The following LOC400499 variants were observed in gnomAD, a reference collection of about 807,000 sequenced individuals.
At chr16:11,410,559 G>A in the LOC400499 span, among the ~76,000 whole-genome samples, 1 of 152,236 alleles carries the variant, frequency 6.6e-6, no homozygotes, top group South Asian at 2.1e-4. Flanking sequence ...ATGCGGCAGG[G>A]GACCCAGCAC....
chr16:11,399,172 C>T, the LOC400499 span: 1 of 979,930 alleles, frequency 1.0e-6, no homozygotes, highest in Non-Finnish European at 1.2e-6. Flanking sequence ...ACCGGAGCTC[C>T]CGATCTCCCT....
At chr16:11,417,122 C>T in the LOC400499 span, among the ~76,000 whole-genome samples, 1 of 151,696 alleles carries the variant, frequency 6.6e-6, no homozygotes, top group East Asian at 1.9e-4. Context: ...CACCCCCCCT[C>T]ACCCTCTGTC....
the LOC400499 span, chr16:11,402,173 A>G: frequency 2.5e-6 from 1 of 399,100 alleles, no homozygotes; most frequent in Non-Finnish European, 4.4e-6. Flanking sequence ...GTGGGTGAGG[A>G]CACACACAAA....
At chr16:11,500,930 C>T in the LOC400499 span, 2 of 399,130 alleles carry the variant, frequency 5.0e-6, no homozygotes, top group East Asian at 3.6e-5. Context: ...CCACACAGTG[C>T]TCCGTCCCAC....
chr16:11,392,226 A>G, the LOC400499 span: 2 of 398,676 alleles, frequency 5.0e-6, no homozygotes, highest in Non-Finnish European at 8.8e-6. Context: ...GCACAGCTGG[A>G]CCCCAAGGGC....
the LOC400499 span, among the ~76,000 whole-genome samples, chr16:11,495,885 G>T: frequency 6.6e-6 from 1 of 152,124 alleles, no homozygotes. Flanking sequence ...GGAGAGGCTG[G>T]CTCCCAGGCC....
chr16:11,451,999 T>C, the LOC400499 span, among the ~76,000 whole-genome samples: 4,212 of 152,228 alleles, frequency 0.028, 222 homozygotes, highest in African/African-American at 0.097. Context: ...AGTTGCTTGA[T>C]TGACAGGGAA....
the LOC400499 span, chr16:11,450,952 G>T: frequency 2.5e-6 from 2 of 800,650 alleles, no homozygotes; most frequent in Non-Finnish European, 3.9e-6. Context: ...CTAGGCATGA[G>T]GGAACTTTCT....
At chr16:11,419,188 AC>A in the LOC400499 span, among the ~76,000 whole-genome samples, 28 of 139,996 alleles carry the variant, frequency 2.0e-4, no homozygotes, top group East Asian at 2.1e-4. Flanking sequence ...AACAACAACA[AC>A]AAAAAAAATA....
At chr16:11,520,444 G>T in the LOC400499 span, among the ~76,000 whole-genome samples, 1 of 152,104 alleles carries the variant, frequency 6.6e-6, no homozygotes, top group Admixed American at 6.5e-5. Context: ...ATCACTTGAG[G>T]TCAGGAGTTC....
At chr16:11,397,588 T>C in the LOC400499 span, among the ~76,000 whole-genome samples, 1 of 152,194 alleles carries the variant, frequency 6.6e-6, no homozygotes, top group Non-Finnish European at 1.5e-5. Flanking sequence ...ATACTTTTAC[T>C]GGAATACAGC....
the LOC400499 span, among the ~76,000 whole-genome samples, chr16:11,483,767 C>T: frequency 6.6e-6 from 1 of 151,142 alleles, no homozygotes; most frequent in Admixed American, 6.6e-5. Flanking sequence ...CCCAGCTACT[C>T]CGGAAGCTGA....
chr16:11,431,464 G>A, the LOC400499 span, among the ~76,000 whole-genome samples: 2 of 152,090 alleles, frequency 1.3e-5, no homozygotes, highest in Admixed American at 6.6e-5. Flanking sequence ...GGAGTACAGT[G>A]GCACAATCTC....
At chr16:11,475,901 G>C in the LOC400499 span, among the ~76,000 whole-genome samples, 68 of 152,308 alleles carry the variant, frequency 4.5e-4, no homozygotes, top group Admixed American at 1.8e-3. Context: ...GAGGACCACA[G>C]AGAGTGACAA....
At chr16:11,468,077 C>T in the LOC400499 span, among the ~76,000 whole-genome samples, 1 of 151,962 alleles carries the variant, frequency 6.6e-6, no homozygotes, top group Non-Finnish European at 1.5e-5. Flanking sequence ...CCCTGACAGC[C>T]TTCACAGGTG....
chr16:11,402,853 G>T, the LOC400499 span, among the ~76,000 whole-genome samples: 28 of 152,124 alleles, frequency 1.8e-4, no homozygotes, highest in African/African-American at 6.5e-4. Flanking sequence ...GATGGGGGCA[G>T]CCGCAACCTC....
the LOC400499 span, among the ~76,000 whole-genome samples, chr16:11,413,515 C>A: frequency 6.6e-6 from 1 of 152,220 alleles, no homozygotes; most frequent in South Asian, 2.1e-4. Flanking sequence ...CGAGTTCATG[C>A]CAAGTGACAG....
chr16:11,404,484 T>C, the LOC400499 span, among the ~76,000 whole-genome samples: 5 of 152,250 alleles, frequency 3.3e-5, no homozygotes, highest in South Asian at 6.2e-4. Flanking sequence ...GTAGCTGAGA[T>C]TGTAGGTGCC....
chr16:11,398,653 ACT>A, the LOC400499 span: 1 of 515,700 alleles, frequency 1.9e-6, no homozygotes, highest in East Asian at 3.6e-5. Flanking sequence ...ACCCCCTTAC[ACT>A]CTGCGGCAGG....
Sources: gnomAD v4.1 joint callset for allele counts (sites outside exome capture counted in the v4.1 genomes callset) on GRCh38, gnomAD v4.1.1 for gene constraint, MANE v1.5 for transcripts.